Variants in GALNT13 observed in about 807,000 individuals in gnomAD.
GALNT13 encodes the protein UDP-GalNAc:polypeptide N-acetylgalactosaminyltransferase 13.
In GALNT13, 28 loss-of-function variants were observed where a neutral mutation model predicts 64.2. The observed-to-expected ratio is 0.44, with a 90% CI of 0.32 to 0.60. The LOEUF (loss-of-function observed/expected upper bound fraction) is 0.60. Ranked by LOEUF, GALNT13 falls within the 20% of genes least tolerant of loss-of-function variation. GALNT13 has a pLI of 0.05. For missense variants in GALNT13, 577 were observed against 669.8 expected (o/e 0.86, Z 1.53); for synonymous variants, 214 against 224.6 (o/e 0.95, Z 0.42).
the GALNT13 span, among the ~76,000 whole-genome samples, chr2:153,078,275 A>G: frequency 6.8e-6 from 1 of 147,942 alleles, no homozygotes; most frequent in Admixed American, 6.7e-5. Context: ...TTGTGTAATT[A>G]TATCATCTGC....
chr2:154,438,000 A>G (rs551086791), intron 11 of GALNT13: 30 of 181,110 alleles, frequency 1.7e-4, no homozygotes, highest in Non-Finnish European at 2.8e-4. Context: ...CATTTCTTGG[A>G]TATTTTCAGA....
intron 4 of GALNT13, among the ~76,000 whole-genome samples, chr2:154,146,705 T>C (rs969109428): frequency 1.3e-5 from 2 of 152,012 alleles, no homozygotes; most frequent in Non-Finnish European, 1.5e-5. Context: ...AGAGCAACCT[T>C]TATTAGCAGA....
At chr2:154,411,430 T>C (rs940301957) in intron 11 of GALNT13, among the ~76,000 whole-genome samples, 6 of 151,300 alleles carry the variant, frequency 4.0e-5, no homozygotes, top group African/African-American at 1.2e-4. Flanking sequence ...AAGAGGGGAA[T>C]GGTTAAATAA....
chr2:153,830,994 A>G, the GALNT13 span, among the ~76,000 whole-genome samples: 68 of 152,336 alleles, frequency 4.5e-4, no homozygotes, highest in African/African-American at 1.6e-3. Flanking sequence ...ATAAGAAAAG[A>G]ATATCTCAAA....
At chr2:154,183,742 C>A (rs1053024859) in intron 4 of GALNT13, among the ~76,000 whole-genome samples, 1 of 151,646 alleles carries the variant, frequency 6.6e-6, no homozygotes, top group Non-Finnish European at 1.5e-5. Context: ...AAAAACTTGT[C>A]AATTTTGATT....
At chr2:154,436,241 G>GTAGAA (rs1700964729) in intron 11 of GALNT13, 1 of 151,836 alleles carries the variant, frequency 6.6e-6, no homozygotes, top group Non-Finnish European at 1.5e-5. Flanking sequence ...ACATATAAGT[G>GTAGAA]CAGAAACTGT....
At chr2:154,449,886 A>G (rs1396111617) in intron 12 of GALNT13, among the ~76,000 whole-genome samples, 1 of 151,960 alleles carries the variant, frequency 6.6e-6, no homozygotes, top group Non-Finnish European at 1.5e-5. Context: ...AAGACAGATT[A>G]TTTTTTGCTC....
the GALNT13 span, among the ~76,000 whole-genome samples, chr2:153,737,642 T>A: frequency 1.3e-5 from 2 of 152,126 alleles, no homozygotes; most frequent in Admixed American, 1.3e-4. Flanking sequence ...ATCTCCTTCA[T>A]CGTCTCGTAG....
the GALNT13 span, among the ~76,000 whole-genome samples, chr2:153,341,505 CAG>C: frequency 6.6e-6 from 1 of 152,218 alleles, no homozygotes; most frequent in Non-Finnish European, 1.5e-5. Flanking sequence ...CTCCTTCTTA[CAG>C]CATATCAATG....
At chr2:154,294,922 A>G (rs1692830459) in intron 8 of GALNT13, among the ~76,000 whole-genome samples, 1 of 152,208 alleles carries the variant, frequency 6.6e-6, no homozygotes, top group Non-Finnish European at 1.5e-5. Context: ...TTCAGGGTAG[A>G]AAGGTGGGAG....
At chr2:153,736,943 G>C in the GALNT13 span, among the ~76,000 whole-genome samples, 1 of 152,152 alleles carries the variant, frequency 6.6e-6, no homozygotes, top group African/African-American at 2.4e-5. Context: ...GACATTCTAT[G>C]CAGAATTGCT....
chr2:153,254,021 T>G, the GALNT13 span, among the ~76,000 whole-genome samples: 1 of 152,194 alleles, frequency 6.6e-6, no homozygotes, highest in South Asian at 2.1e-4. Flanking sequence ...TTCTATTGAT[T>G]GGAATAATTT....
At chr2:154,273,294 T>C (rs1691454084) in intron 8 of GALNT13, among the ~76,000 whole-genome samples, 1 of 152,122 alleles carries the variant, frequency 6.6e-6, no homozygotes, top group African/African-American at 2.4e-5. Flanking sequence ...GAAGCATCTA[T>C]CTATGCAAGG....
intron 4 of GALNT13, among the ~76,000 whole-genome samples, chr2:154,233,037 C>CAAAAAAA (rs375484057): frequency 3.2e-4 from 19 of 58,782 alleles, no homozygotes; most frequent in Admixed American, 5.7e-4. Flanking sequence ...GACCCTGTCT[C>CAAAAAAA]AAAAAAAAAA....
the GALNT13 span, among the ~76,000 whole-genome samples, chr2:153,251,518 G>A: frequency 6.6e-6 from 1 of 151,786 alleles, no homozygotes; most frequent in Non-Finnish European, 1.5e-5. Context: ...TGTGCACAAT[G>A]TGCAGGTAAG....
the GALNT13 span, among the ~76,000 whole-genome samples, chr2:153,281,458 G>T: frequency 1.3e-5 from 2 of 152,076 alleles, no homozygotes; most frequent in African/African-American, 4.8e-5. Context: ...AGTTTCAAAT[G>T]TGTGGCTGCT....
the GALNT13 span, among the ~76,000 whole-genome samples, chr2:153,362,873 A>G: frequency 0.27 from 40,408 of 152,028 alleles, 6,577 homozygotes; most frequent in Non-Finnish European, 0.38. Context: ...TCAGCTCTGG[A>G]TCAAGTCAAC....
chr2:153,438,953 A>G, the GALNT13 span, among the ~76,000 whole-genome samples: 1 of 151,852 alleles, frequency 6.6e-6, no homozygotes, highest in Non-Finnish European at 1.5e-5. Flanking sequence ...TTGTGGTTTT[A>G]TCTACCTTTG....
intron 3 of GALNT13, among the ~76,000 whole-genome samples, chr2:154,003,203 T>C (rs996665770): frequency 3.0e-4 from 46 of 152,154 alleles, no homozygotes; most frequent in African/African-American, 1.1e-3. Flanking sequence ...TTCTTTCCAA[T>C]TTACCCCACA....
Sources: gnomAD v4.1 joint callset for allele counts (sites outside exome capture counted in the v4.1 genomes callset) on GRCh38, gnomAD v4.1.1 for gene constraint, MANE v1.5 for transcripts, NCBI Gene and HGNC (gene_info 2026-07-23, HGNC 2026-07-21) for gene names.